MALT1: variants seen among roughly 807,000 people sequenced by gnomAD.
The protein encoded by MALT1 is mucosa-associated lymphoid tissue lymphoma translocation protein 1.
Under a neutral mutation model 85.5 loss-of-function variants are expected in MALT1, and 36 were observed. That is an observed-to-expected ratio of 0.42 (90% confidence interval 0.32 to 0.56). The LOEUF is 0.56. MALT1 is among the 20% of genes least tolerant of loss of function. The pLI is 0.10. For synonymous variants in MALT1, 359 were observed against 361.3 expected, an observed-to-expected ratio of 0.99 and a Z score of 0.07; for missense variants, 716 against 981.6, an observed-to-expected ratio of 0.73 and a Z score of 3.62.
At chr18:58,716,901 G>T (rs2144405723) in intron 9 of MALT1, among the ~76,000 whole-genome samples, 2 of 152,318 alleles carry the variant, frequency 1.3e-5, no homozygotes, top group South Asian at 2.1e-4. Flanking sequence ...AGGGATTTGG[G>T]CCAAGGTGAA....
intron 10 of MALT1, 115 bp from the exon 11 acceptor site, chr18:58,733,282 C>G (rs1406061783): frequency 4.5e-6 from 3 of 670,534 alleles, no homozygotes; most frequent in Non-Finnish European, 7.8e-6. Context: ...CATATGCTCA[C>G]ATCAACCTGA....
intron 3 of MALT1, chr18:58,697,051 G>A (rs1186462832): frequency 6.6e-6 from 1 of 152,166 alleles, no homozygotes; most frequent in East Asian, 1.9e-4. Context: ...TTTCTTCAGA[G>A]TTCCTTGAGC....
chr18:58,687,278 G>T (rs1163582870), intron 2 of MALT1, among the ~76,000 whole-genome samples: 2 of 152,206 alleles, frequency 1.3e-5, no homozygotes, highest in Non-Finnish European at 1.5e-5. Context: ...GGGCTGGTGA[G>T]CAAGGCCTGA....
chr18:58,681,929 T>A (rs1285577515), intron 2 of MALT1, among the ~76,000 whole-genome samples: 1 of 152,178 alleles, frequency 6.6e-6, no homozygotes, highest in African/African-American at 2.4e-5. Flanking sequence ...TCAGCTGCTC[T>A]CCTCTCAGCT....
chr18:58,690,289 A>C (rs1222439186), intron 2 of MALT1: 3 of 152,376 alleles, frequency 2.0e-5, no homozygotes, highest in Non-Finnish European at 4.4e-5. Context: ...GGTGGCATCC[A>C]GGTGGCGGTC....
At chr18:58,738,072 C>A (rs1218327507) in intron 13 of MALT1, among the ~76,000 whole-genome samples, 1 of 152,100 alleles carries the variant, frequency 6.6e-6, no homozygotes. Context: ...GAATATAGGA[C>A]CTTGAAGTAA....
intron 10 of MALT1, among the ~76,000 whole-genome samples, chr18:58,732,942 G>A (rs1251872785): frequency 2.0e-5 from 3 of 150,718 alleles, no homozygotes; most frequent in African/African-American, 7.4e-5. Context: ...ACAGAGTTTT[G>A]CTCTGTCGCC....
chr18:58,705,289 CGTGTGTGTGTGTGTGTGT>C (rs59890170), intron 4 of MALT1, among the ~76,000 whole-genome samples: 3 of 146,998 alleles, frequency 2.0e-5, no homozygotes, highest in African/African-American at 2.5e-5. Context: ...TGTAAAAGTA[CGTGTGTGTGTGTGTGTGT>C]GTGTGTGTGT....
At chr18:58,702,220 C>CAAAAAAAAAAAAAA (rs11380709) in intron 4 of MALT1, among the ~76,000 whole-genome samples, 1 of 114,624 alleles carries the variant, frequency 8.7e-6, no homozygotes, top group Non-Finnish European at 1.7e-5. Context: ...AAAAAAAATG[C>CAAAAAAAAAAAAAA]AAAAAAAAAA....
intron 10 of MALT1, among the ~76,000 whole-genome samples, chr18:58,730,868 G>A (rs966944486): frequency 6.6e-6 from 1 of 152,174 alleles, no homozygotes; most frequent in Non-Finnish European, 1.5e-5. Flanking sequence ...TAATGATGTT[G>A]AGCATCTTTT....
chr18:58,697,864 C>T (rs1327442449), intron 3 of MALT1, among the ~76,000 whole-genome samples: 1 of 152,144 alleles, frequency 6.6e-6, no homozygotes, highest in Non-Finnish European at 1.5e-5. Flanking sequence ...GATGATACAG[C>T]ACTGACCAGA....
chr18:58,671,906 G>GCCAC, intron 1 of MALT1, 54 bp downstream of exon 1: 1 of 1,156,022 alleles, frequency 8.7e-7, no homozygotes, highest in Non-Finnish European at 1.1e-6. Flanking sequence ...GGTGGGCTGC[G>GCCAC]GTGGGGAGGT....
rs1268348009 is a variant in MALT1, at chr18:58,751,564, A to G, written c.*3722A>G. The G allele has an allele frequency of 1.3e-5, 2 of 152,204 alleles. No homozygotes were observed. Among genetic ancestry groups the G allele is most frequent in the Admixed American group, 6.5e-5 (1 of 15,274 alleles). The allele number at this position is 152,204 out of a possible 1,614,324, so 9.4% of individuals were successfully genotyped here. ...AAACGGGCTTAAGAAGAATGATAAC[A>G]GTTTTGGTCTTCTTTTTTATCAACC... is the stretch of plus-strand genomic sequence containing the variant. On this transcript the variant is annotated 3_prime_UTR_variant, in exon 17 of 17. Transcript: ENST00000649217.
intron 2 of MALT1, among the ~76,000 whole-genome samples, chr18:58,683,810 T>C (rs1055474984): frequency 6.6e-6 from 1 of 152,238 alleles, no homozygotes; most frequent in Non-Finnish European, 1.5e-5. Context: ...GATTATCTCA[T>C]AGGGCTTTTT....
At chr18:58,742,340 A>G (rs1314200487) in intron 14 of MALT1, among the ~76,000 whole-genome samples, 2 of 152,164 alleles carry the variant, frequency 1.3e-5, no homozygotes, top group Non-Finnish European at 2.9e-5. Context: ...CCTGTCGAAA[A>G]TCATGGATTG....
At chr18:58,719,720 T>C (rs1301263616) in intron 9 of MALT1, among the ~76,000 whole-genome samples, 1 of 152,186 alleles carries the variant, frequency 6.6e-6, no homozygotes, top group African/African-American at 2.4e-5. Flanking sequence ...AGAATGCAAA[T>C]GGCCTTGAAT....
At chr18:58,707,733 A>G (rs2054773829) in intron 4 of MALT1, among the ~76,000 whole-genome samples, 1 of 152,196 alleles carries the variant, frequency 6.6e-6, no homozygotes, top group Non-Finnish European at 1.5e-5. Context: ...TAATATTTTT[A>G]TGCTCAGGAA....
chr18:58,734,162 G>C, intron 11 of MALT1, 145 bp from the exon 12 acceptor site: 1 of 1,124,942 alleles, frequency 8.9e-7, no homozygotes, highest in South Asian at 1.9e-5. Flanking sequence ...TAGATATGTA[G>C]CTACCTAGAT....
Position 58,747,707 on chromosome 18 carries a change from C to T in MALT1, c.2340C>T (p.Ser780=). 6.2e-7 allele frequency: 1 copy of T among 1,614,140 alleles called. No homozygotes were observed. The highest frequency in any genetic ancestry group is 8.5e-7 in the Non-Finnish European group (1 of 1,180,022). Residue 780 remains serine (S), a synonymous_variant, in exon 17 of 17, where the codon AGC becomes AGT. Transcript: ENST00000649217. ...CACCAGCAGATAGCTGTCATTGCAG[C>T]CGGACTCCAGATGCATTTATTTCAA... is the stretch of plus-strand genomic sequence containing the variant. ...NVTPADSCHC[S]RTPDAFISSF... is the part of the protein sequence containing the mutation.
Sources: gnomAD v4.1 joint callset for allele counts (sites outside exome capture counted in the v4.1 genomes callset) on GRCh38, gnomAD v4.1.1 for gene constraint, MANE v1.5 for transcripts, NCBI Gene and HGNC (gene_info 2026-07-23, HGNC 2026-07-21) for gene names.